Variants in E2F3 observed in about 807,000 individuals in gnomAD.
E2F3 encodes E2F transcription factor 3.
E2F3 carries 11 observed loss-of-function variants against 44.4 expected under a neutral mutation model. The ratio of observed to expected loss-of-function variants is 0.25; its 90% CI spans 0.16 to 0.41. The LOEUF (loss-of-function observed/expected upper bound fraction) is 0.41, where lower values mean the gene tolerates loss of function less well. E2F3 is among the 10% of genes least tolerant of loss of function. The pLI is 1.00. For synonymous variants in E2F3, 249 were observed against 253.0 expected (o/e 0.98, Z 0.15); for missense variants, 487 against 583.6 (o/e 0.83, Z 1.70).
intron 1 of E2F3, chr6:20,403,875 G>C (rs1328722159): frequency 2.4e-6 from 3 of 1,266,000 alleles, no homozygotes; most frequent in East Asian, 6.1e-5. Context: ...CGCCGCGGGG[G>C]CACCGGATTC....
chr6:20,422,348 T>C lies in E2F3; in HGVS notation c.393+19723T>C, dbSNP rs189113160. Among the ~76,000 whole-genome samples the C allele has an allele frequency of 1.6e-3, 250 of 152,338 alleles. 2 individuals are homozygous for C. The highest frequency in any genetic ancestry group is 6.0e-3 in the Admixed American group (92 of 15,308). On this transcript the variant is annotated intron_variant, in intron 1 of 6. Transcript: ENST00000346618. ...TGGATTAGGCTTTGGCTTAAGGGAA[T>C]GTTGTGGCTGGTTTGATCTTCTATC...
chr6:20,434,269 A>C (rs1278689230), intron 1 of E2F3, among the ~76,000 whole-genome samples: 10 of 152,226 alleles, frequency 6.6e-5, no homozygotes, highest in Admixed American at 6.5e-4. Context: ...AAGAAAAGGG[A>C]GCACCATCGT....
At position 20,482,803 on chromosome 6, in the gene E2F3, G is replaced by A; in HGVS notation, c.767G>A (p.Cys256Tyr). The change falls in exon 4 of 7, where the codon TGT becomes TAT. Residue 256 changes from cysteine to tyrosine, a missense_variant. Coordinates refer to ENST00000346618, the MANE Select transcript of E2F3 (RefSeq NM_001949.5). ...GAGGATGGGGGCATGCTGGCCCAGT[G>A]TCAAGGCCTGTCAAAAGAAGTGACC... Reference protein sequence around the residue: ...LSEDGGMLAQCQGLSKEVTEL... With the variant: ...LSEDGGMLAQYQGLSKEVTEL... 1 of 1,613,044 alleles carries A rather than the reference G, an allele frequency of 6.2e-7. No homozygotes were observed. Among genetic ancestry groups the A allele is most frequent in the Non-Finnish European group, 8.5e-7 (1 of 1,179,680 alleles).
At chr6:20,466,094 C>T (rs1761694470) in intron 1 of E2F3, among the ~76,000 whole-genome samples, 1 of 150,524 alleles carries the variant, frequency 6.6e-6, no homozygotes, top group African/African-American at 2.5e-5. Flanking sequence ...TGTTCACATC[C>T]ACGCCAACAT....
intron 6 of E2F3, among the ~76,000 whole-genome samples, chr6:20,489,131 T>C (rs764976733): frequency 6.6e-6 from 1 of 152,230 alleles, no homozygotes; most frequent in Non-Finnish European, 1.5e-5. Flanking sequence ...AGTGTCTCCC[T>C]ATATAGCAGC....
chr6:20,460,390 T>C (rs917760799), intron 1 of E2F3, among the ~76,000 whole-genome samples: 1 of 152,212 alleles, frequency 6.6e-6, no homozygotes, highest in Non-Finnish European at 1.5e-5. Flanking sequence ...ACAGTGGTTA[T>C]TTTGGCTTTA....
intron 1 of E2F3, among the ~76,000 whole-genome samples, chr6:20,406,011 AAAGCT>A (rs1738477400): frequency 6.6e-6 from 1 of 152,172 alleles, no homozygotes. Flanking sequence ...CAGGATGGGG[AAAGCT>A]AAGTGATTGG....
chr6:20,469,560 A>G (rs1411540374), intron 1 of E2F3, among the ~76,000 whole-genome samples: 1 of 152,270 alleles, frequency 6.6e-6, no homozygotes, highest in East Asian at 1.9e-4. Context: ...CATAGGTTAA[A>G]TGGCTTTTAT....
rs112941158 is a variant in E2F3, at chr6:20,445,172, T to C, written c.394-34674T>C. 1.1e-3 allele frequency: 1,031 copies of C among 978,828 alleles called. 11 individuals are homozygous for C. In the African/African-American group the frequency reaches 0.016, roughly 15 times the overall value. 60.6% of individuals were successfully genotyped at this position (978,828 alleles called of 1,614,324 possible). On this transcript the variant is annotated intron_variant, in intron 1 of 6. Transcript: ENST00000346618. ...GGCAGCAGCGCCTTGTACTTAAAAA[T>C]AGAATACTACCAACATCATCTTCCT...
rs1032837620 is a variant in E2F3, at chr6:20,429,707, TTTC to T, written c.393+27085_393+27087del. Among the ~76,000 whole-genome samples, 109 of 152,106 alleles carry T rather than the reference TTTC, an allele frequency of 7.2e-4. No individual in the cohort carries two copies. In the Middle Eastern group the frequency reaches 0.017, roughly 24 times the overall value. On this transcript the variant is annotated intron_variant, in intron 1 of 6. Coordinates refer to ENST00000346618, the MANE Select transcript of E2F3 (RefSeq NM_001949.5). ...CCCAATCCAATTTTTTTCCAACCAC[TTTC>T]TTGTGTGTTTTTTTTTTCAGTATCT...
chr6:20,472,702 C>T (rs1359656111), intron 1 of E2F3, among the ~76,000 whole-genome samples: 1 of 152,040 alleles, frequency 6.6e-6, no homozygotes, highest in Non-Finnish European at 1.5e-5. Flanking sequence ...GTATCTGTCC[C>T]TTGTTAACTG....
At chr6:20,417,835 C>T (rs1305820169) in intron 1 of E2F3, among the ~76,000 whole-genome samples, 1 of 151,990 alleles carries the variant, frequency 6.6e-6, no homozygotes, top group African/African-American at 2.4e-5. Context: ...ATATATAGTC[C>T]AGGTTCGTCT....
intron 1 of E2F3, among the ~76,000 whole-genome samples, chr6:20,457,660 A>T (rs547678969): frequency 6.6e-6 from 1 of 152,220 alleles, no homozygotes; most frequent in Non-Finnish European, 1.5e-5. Context: ...ACCTGCCACA[A>T]TTGCCTCCTG....
Position 20,488,097 on chromosome 6 carries a change from C to T in E2F3, c.1000-16C>T, listed in dbSNP as rs1264665304. 6.2e-7 allele frequency: 1 copy of T among 1,612,476 alleles called. No homozygotes were observed. Among genetic ancestry groups the T allele is most frequent in the African/African-American group, 1.3e-5 (1 of 74,950 alleles). ...AAAGAACTTCTGATTCGAACTTCTC[C>T]CACTTCTGTTCATAGAGCCTACAAA... On this transcript the variant is annotated splice_polypyrimidine_tract_variant and intron_variant, in intron 5 of 6. Transcript: ENST00000346618.
chr6:20,403,286 GC>G (rs1259794579), intron 1 of E2F3, among the ~76,000 whole-genome samples: 7 of 152,122 alleles, frequency 4.6e-5, no homozygotes, highest in Admixed American at 3.9e-4. Context: ...GGGGTGAGGG[GC>G]TCGCGGGCTG....
At chr6:20,418,190 T>G (rs1234274795) in intron 1 of E2F3, among the ~76,000 whole-genome samples, 1 of 152,142 alleles carries the variant, frequency 6.6e-6, no homozygotes, top group East Asian at 1.9e-4. Context: ...GGGACCGACG[T>G]GTGGGCCTCC....
intron 1 of E2F3, among the ~76,000 whole-genome samples, chr6:20,439,334 C>T (rs73732144): frequency 0.027 from 4,156 of 152,308 alleles, 90 homozygotes; most frequent in African/African-American, 0.064. Context: ...TGTAAAGCAA[C>T]GCTTTAGCAT....
chr6:20,478,322 T>C (rs1040565367), intron 1 of E2F3, among the ~76,000 whole-genome samples: 2 of 152,244 alleles, frequency 1.3e-5, no homozygotes, highest in Admixed American at 1.3e-4. Context: ...TTACCCTGTT[T>C]TGTACTAAGT....
intron 1 of E2F3, among the ~76,000 whole-genome samples, chr6:20,454,956 A>G (rs1394217335): frequency 6.6e-6 from 1 of 152,202 alleles, no homozygotes; most frequent in Admixed American, 6.5e-5. Flanking sequence ...CTAATTCTAT[A>G]TCTCAGGGGT....
Sources: allele counts gnomAD v4.1 joint callset (sites outside exome capture counted in the v4.1 genomes callset), GRCh38; gene constraint gnomAD v4.1.1; transcripts MANE v1.5; gene names NCBI Gene and HGNC (gene_info 2026-07-23, HGNC 2026-07-21).